The following AQP12A variants were observed in gnomAD, a reference collection of about 807,000 sequenced individuals.
The protein encoded by AQP12A is aquaporin 12A.
Under a neutral mutation model 12.2 loss-of-function variants are expected in AQP12A, and 11 were observed. That is an observed-to-expected ratio of 0.90 (90% CI 0.57 to 1.49). The LOEUF is 1.49. Ranked by LOEUF, AQP12A falls within the 40% of genes most tolerant of loss-of-function variation. The pLI, the probability that AQP12A is intolerant of heterozygous loss-of-function variation, is 0.00. For missense variants in AQP12A, 203 were observed against 260.8 expected (o/e 0.78, Z 1.53); for synonymous variants, 101 against 127.1 (o/e 0.79, Z 1.38).
At chr2:240,692,774 A>G (rs1361365735) in intron 2 of AQP12A, among the ~76,000 whole-genome samples, 1 of 151,054 alleles carries the variant, frequency 6.6e-6, no homozygotes, top group Admixed American at 6.6e-5. Flanking sequence ...AGTCGCAGCT[A>G]TTCTTGGTCC....
At chr2:240,693,371 T>C (rs1395540848) in intron 2 of AQP12A, among the ~76,000 whole-genome samples, 1 of 152,300 alleles carries the variant, frequency 6.6e-6, no homozygotes, top group Non-Finnish European at 1.5e-5. Flanking sequence ...CAGAGCCCTG[T>C]ACAGATGGGG....
chr2:240,692,259 G>A lies in AQP12A; in HGVS notation c.309G>A (p.Leu103=), dbSNP rs2044074043. The change falls in exon 2 of 4, where the codon CTG becomes CTA. Residue 103 remains leucine, a synonymous_variant. Coordinates refer to ENST00000337801, the MANE Select transcript of AQP12A (RefSeq NM_198998.3). ...CTCTGCCTGGCACGCTGTTGAAGCT[G>A]GCGGCACAGGGGCTGGGCATGCAGG... The part of the protein sequence containing the change: ...EQSLPGTLLK[L]AAQGLGMQAA... The A allele has an allele frequency of 8.9e-6, 14 of 1,578,758 alleles. 2 individuals are homozygous for A. The highest frequency in any genetic ancestry group is 1.2e-5 in the Non-Finnish European group (14 of 1,167,570).
intron 2 of AQP12A, among the ~76,000 whole-genome samples, chr2:240,693,495 G>A (rs1465693472): frequency 6.6e-6 from 1 of 151,934 alleles, no homozygotes; most frequent in East Asian, 2.0e-4. Flanking sequence ...CTGCCTCCAC[G>A]AGGCACAGGG....
intron 2 of AQP12A, among the ~76,000 whole-genome samples, chr2:240,693,772 C>T (rs1288927357): frequency 3.3e-5 from 5 of 152,044 alleles, no homozygotes; most frequent in African/African-American, 1.2e-4. Flanking sequence ...TGCTGCTGCT[C>T]GTTTATTTCT....
In AQP12A at chr2:240,692,132, T is replaced by A; in HGVS notation, c.182T>A (p.Leu61His). 6.3e-7 allele frequency: 1 copy of A among 1,583,846 alleles called. No homozygotes were observed. The highest frequency in any genetic ancestry group is 8.6e-7 in the Non-Finnish European group (1 of 1,168,448). Residue 61 changes from leucine (L) to histidine (H), a missense_variant, in exon 2 of 4, where the codon CTC becomes CAC. Coordinates refer to ENST00000337801, the MANE Select transcript of AQP12A (RefSeq NM_198998.3). The part of the protein sequence containing the change: ...WAGDFGPDLL[L>H]TLLFLLFLAH... ...GGGGACTTTGGGCCTGACCTGCTGCTCACCCTGCTCTTCCTGCTCTTCCTG... is the reference window on the plus strand; with the variant it reads ...GGGGACTTTGGGCCTGACCTGCTGCACACCCTGCTCTTCCTGCTCTTCCTG...
intron 2 of AQP12A, among the ~76,000 whole-genome samples, chr2:240,693,402 G>T (rs1299640283): frequency 6.6e-6 from 1 of 152,298 alleles, no homozygotes; most frequent in African/African-American, 2.4e-5. Context: ...ACGGGTGAGC[G>T]GGAGCTCTGC....
chr2:240,693,752 TTC>T (rs2044093492), intron 2 of AQP12A, among the ~76,000 whole-genome samples: 1 of 152,058 alleles, frequency 6.6e-6, no homozygotes, highest in African/African-American at 2.4e-5. Context: ...CCATGTCGTC[TTC>T]TCTCCTCTGC....
chr2:240,692,072 A>G lies in AQP12A; in HGVS notation c.124-2A>G. 6.3e-7 allele frequency: 1 copy of G among 1,580,696 alleles called. No individual in the cohort carries two copies. The highest frequency in any genetic ancestry group is 8.6e-7 in the Non-Finnish European group (1 of 1,167,620). Reference sequence around the variant, plus strand: ...GTGCAGCTCGGGCCCTGCTGCCTGGAGATGAGGACGCTGGTCGAGCTCGGG... The same window carrying G: ...GTGCAGCTCGGGCCCTGCTGCCTGGGGATGAGGACGCTGGTCGAGCTCGGG... On this transcript the variant is annotated splice_acceptor_variant, in intron 1 of 3. Transcript: ENST00000337801. LOFTEE classifies it high-confidence loss of function.
At chr2:240,693,773 G>C (rs796185284) in intron 2 of AQP12A, among the ~76,000 whole-genome samples, 3,445 of 139,330 alleles carry the variant, frequency 0.025, 103 homozygotes, top group Non-Finnish European at 0.039. Flanking sequence ...GCTGCTGCTC[G>C]TTTATTTCTG....
chr2:240,691,868 C>G lies in AQP12A; in HGVS notation c.-46C>G, dbSNP rs375181789. On this transcript the variant is annotated 5_prime_UTR_variant, in exon 1 of 4. Transcript: ENST00000337801. ...GGGAACCAGCCAGCTCCTGCTCTGT[C>G]CCCTCAGGTGTCCTGCAGGCACAGC... 1.1e-5 allele frequency: 17 copies of G among 1,586,586 alleles called. 1 individual carries two copies. Among genetic ancestry groups the G allele is most frequent in the African/African-American group, 1.4e-5 (1 of 72,922 alleles).
In AQP12A at chr2:240,692,186, C is replaced by G. The variant is rs768799804; in HGVS notation, c.236C>G (p.Ser79Trp). 1 of 1,582,036 alleles carries G rather than the reference C, an allele frequency of 6.3e-7. No individual in the cohort carries two copies. Among genetic ancestry groups the G allele is most frequent in the East Asian group, 2.4e-5 (1 of 42,218 alleles). ...LAHGVTLDGA[S>W]ANPTVSLQEF... ...CACGGGGTCACCTTGGACGGGGCCT[C>G]GGCCAACCCCACTGTGTCCCTGCAG... Residue 79 changes from serine (S) to tryptophan (W), a missense_variant, in exon 2 of 4, where the codon TCG (serine) becomes TGG (tryptophan). Coordinates refer to ENST00000337801, the MANE Select transcript of AQP12A (RefSeq NM_198998.3).
chr2:240,693,802 CCTCT>C (rs566068955), intron 2 of AQP12A, among the ~76,000 whole-genome samples: 115 of 141,116 alleles, frequency 8.1e-4, no homozygotes, highest in Middle Eastern at 3.6e-3. Flanking sequence ...CTCTGTCTCT[CCTCT>C]CTCTCTCTGT....
chr2:240,692,018 A>G lies in AQP12A; in HGVS notation c.105A>G (p.Glu35=). The part of the protein sequence containing the change: ...SKALLPVGAY[E]VFAREAMRTL... ...CCCTGCTCCCAGTGGGCGCCTATGA[A>G]GTCTTCGCCCGGGAGGCGGTGGGTG... The change falls in exon 1 of 4, where the codon GAA becomes GAG. Residue 35 remains glutamate (E), a synonymous_variant. Transcript: ENST00000337801. 1 of 1,586,442 alleles carries G rather than the reference A, an allele frequency of 6.3e-7. No homozygotes were observed. The highest frequency in any genetic ancestry group is 8.6e-7 in the Non-Finnish European group (1 of 1,168,694).
intron 2 of AQP12A, 56 bp from the exon 3 acceptor site, chr2:240,694,377 T>TCAAAAAA: frequency 6.8e-6 from 1 of 146,184 alleles, no homozygotes; most frequent in South Asian, 4.3e-5. Flanking sequence ...GGTCCTGGCC[T>TCAAAAAA]GCAGAGGGGC....
chr2:240,695,433 T>TCGTGAC (rs2044103429), intron 3 of AQP12A: 1 of 314,014 alleles, frequency 3.2e-6, no homozygotes, highest in Non-Finnish European at 6.6e-6. Flanking sequence ...GTCATCGTGA[T>TCGTGAC]TTGTCGCCAT....
At chr2:240,693,508 C>A (rs1330840877) in intron 2 of AQP12A, among the ~76,000 whole-genome samples, 3 of 151,748 alleles carry the variant, frequency 2.0e-5, no homozygotes, top group Non-Finnish European at 4.4e-5. Context: ...GCACAGGGCG[C>A]CTGGTCTCAG....
chr2:240,693,212 C>G, intron 2 of AQP12A, among the ~76,000 whole-genome samples: 1 of 151,968 alleles, frequency 6.6e-6, no homozygotes, highest in Non-Finnish European at 1.5e-5. Flanking sequence ...ACAGGAAGGG[C>G]TGCAGGGAGA....
intron 2 of AQP12A, 40 bp downstream of exon 2, chr2:240,692,561 T>G (rs1463888111): frequency 9.8e-7 from 1 of 1,024,364 alleles, no homozygotes; most frequent in Non-Finnish European, 1.4e-6. Flanking sequence ...CCTGAGGACC[T>G]CTCACCTGTG....
At chr2:240,695,514 C>CCCCTCCTG (rs1231481387) in intron 3 of AQP12A, 3 of 348,030 alleles carry the variant, frequency 8.6e-6, no homozygotes, top group African/African-American at 4.2e-5. Flanking sequence ...CATCAGGAAC[C>CCCCTCCTG]CCCTCCTGCC....
Sources: gnomAD v4.1 joint callset for allele counts (sites outside exome capture counted in the v4.1 genomes callset) on GRCh38, gnomAD v4.1.1 for gene constraint, MANE v1.5 for transcripts, NCBI Gene and HGNC (gene_info 2026-07-23, HGNC 2026-07-21) for gene names.